The following SUMF1 variants were observed in gnomAD, a reference collection of about 807,000 sequenced individuals.
SUMF1 encodes formylglycine-generating enzyme.
A neutral mutation model predicts 47.6 loss-of-function variants in SUMF1; 48 were observed. The ratio of observed to expected loss-of-function variants is 1.01; its 90% CI spans 0.80 to 1.28. The LOEUF (loss-of-function observed/expected upper bound fraction) is 1.28. Ranked by LOEUF, SUMF1 falls within the 50% of genes most tolerant of loss-of-function variation. The pLI is 0.00. For synonymous variants in SUMF1, 230 were observed against 192.1 expected (o/e 1.20, Z -1.63); for missense variants, 571 against 485.4 (o/e 1.18, Z -1.66).
chr3:4,205,509 A>G (rs956869520), intron 8 of SUMF1, among the ~76,000 whole-genome samples: 2 of 152,154 alleles, frequency 1.3e-5, no homozygotes, highest in African/African-American at 2.4e-5. Context: ...TTAAAGAGCT[A>G]GGGATTTATT....
intron 7 of SUMF1, among the ~76,000 whole-genome samples, chr3:4,392,615 G>GTGTA (rs1433132957): frequency 0.019 from 1,831 of 96,012 alleles, 15 homozygotes; most frequent in East Asian, 0.036. Context: ...GTGTGTGTGT[G>GTGTA]TATATATATA....
chr3:4,299,163 A>G (rs310709), intron 8 of SUMF1, among the ~76,000 whole-genome samples: 93,179 of 152,162 alleles, frequency 0.61, 29,991 homozygotes, highest in African/African-American at 0.82. Context: ...CTACCTTAAA[A>G]TCTATAGCTT....
intron 8 of SUMF1, among the ~76,000 whole-genome samples, chr3:4,100,350 C>A (rs1445942260): frequency 1.3e-5 from 2 of 151,714 alleles, no homozygotes; most frequent in African/African-American, 2.4e-5. Flanking sequence ...ACACATCAAC[C>A]AAAGGAATAG....
At chr3:4,403,191 G>T (rs754889875) in intron 7 of SUMF1, among the ~76,000 whole-genome samples, 1 of 152,160 alleles carries the variant, frequency 6.6e-6, no homozygotes, top group Non-Finnish European at 1.5e-5. Context: ...AGTAAACTGA[G>T]TCTCTGAGCA....
intron 9 of SUMF1, among the ~76,000 whole-genome samples, chr3:4,050,468 G>A (rs1418754510): frequency 3.3e-5 from 5 of 151,970 alleles, no homozygotes; most frequent in African/African-American, 4.8e-5. Context: ...ATGGCCAGGT[G>A]TAGTGGCTCA....
chr3:4,429,065 T>C (rs1471791589), intron 3 of SUMF1, among the ~76,000 whole-genome samples: 14 of 152,256 alleles, frequency 9.2e-5, no homozygotes, highest in Admixed American at 9.2e-4. Flanking sequence ...TTGTCTGTTG[T>C]TGTTTTTTTG....
At chr3:4,152,756 C>A (rs183154420) in intron 8 of SUMF1, among the ~76,000 whole-genome samples, 29 of 151,720 alleles carry the variant, frequency 1.9e-4, no homozygotes, top group Non-Finnish European at 3.8e-4. Flanking sequence ...CTAGTAACAA[C>A]CATTAATTCA....
chr3:4,249,545 C>A (rs1696746595), intron 8 of SUMF1, among the ~76,000 whole-genome samples: 1 of 152,114 alleles, frequency 6.6e-6, no homozygotes, highest in Non-Finnish European at 1.5e-5. Flanking sequence ...TATAAGATGG[C>A]AAACTTAATA....
chr3:4,091,423 G>A (rs73806898), intron 8 of SUMF1, among the ~76,000 whole-genome samples: 2,005 of 152,148 alleles, frequency 0.013, 58 homozygotes, highest in African/African-American at 0.046. Context: ...GAGGGTGTAC[G>A]TGCATCTATG....
intron 8 of SUMF1, among the ~76,000 whole-genome samples, chr3:4,281,218 G>T (rs139762747): frequency 6.6e-6 from 1 of 152,100 alleles, no homozygotes; most frequent in Non-Finnish European, 1.5e-5. Flanking sequence ...ACAAGCCACA[G>T]AAAGACCACT....
chr3:4,074,953 C>T (rs961279690), intron 8 of SUMF1, among the ~76,000 whole-genome samples: 1 of 152,046 alleles, frequency 6.6e-6, no homozygotes, highest in African/African-American at 2.4e-5. Context: ...GAAACTATTC[C>T]AATGAATAGA....
intron 9 of SUMF1, among the ~76,000 whole-genome samples, chr3:4,064,432 C>G (rs1256377164): frequency 6.6e-6 from 1 of 152,070 alleles, no homozygotes; most frequent in Non-Finnish European, 1.5e-5. Context: ...GTTTGCTTGC[C>G]CCTTTCCTGG....
intron 7 of SUMF1, among the ~76,000 whole-genome samples, chr3:4,382,163 T>C (rs958240340): frequency 6.6e-6 from 1 of 152,146 alleles, no homozygotes; most frequent in Non-Finnish European, 1.5e-5. Flanking sequence ...TCGTAACGGA[T>C]GGTTCAGACT....
chr3:4,272,296 A>G (rs1381150897), intron 8 of SUMF1, among the ~76,000 whole-genome samples: 3 of 152,244 alleles, frequency 2.0e-5, no homozygotes, highest in African/African-American at 4.8e-5. Context: ...AGGAAAACGC[A>G]GAGGCTGGGC....
At chr3:4,338,800 G>C (rs190487553) in intron 8 of SUMF1, among the ~76,000 whole-genome samples, 18 of 152,174 alleles carry the variant, frequency 1.2e-4, no homozygotes, top group African/African-American at 4.3e-4. Flanking sequence ...TGTATACCTA[G>C]TACACAGAGT....
At chr3:4,359,869 T>C (rs1054462952), downstream of SUMF1, among the ~76,000 whole-genome samples, 10 of 152,276 alleles carry the variant, frequency 6.6e-5, 2 homozygotes, top group Admixed American at 6.5e-5. Context: ...CTCAAGTTCC[T>C]GGCCTCAAAC....
At chr3:4,189,654 G>C (rs909323449) in intron 8 of SUMF1, among the ~76,000 whole-genome samples, 4 of 151,996 alleles carry the variant, frequency 2.6e-5, no homozygotes, top group African/African-American at 9.7e-5. Flanking sequence ...AGTAGGGCAA[G>C]AGAACAAGAG....
Position 4,437,133 on chromosome 3 carries a change from G to A in SUMF1, c.519+12133C>T, listed in dbSNP as rs574391347. ...AATCCCTGAGACGCAGAAAGGAATG[G>A]AGAGTACAGATATTAGTAATTATAG... On this transcript the variant is annotated intron_variant, in intron 3 of 8. Coordinates refer to ENST00000272902, the MANE Select transcript of SUMF1 (RefSeq NM_182760.4). 3.3e-5 allele frequency among the ~76,000 whole-genome samples: 5 copies of A among 152,308 alleles called. No homozygotes were observed. The South Asian group carries it at 8.3e-4, about 25-fold the overall frequency.
chr3:4,269,903 A>G (rs181625115), intron 8 of SUMF1, among the ~76,000 whole-genome samples: 2 of 152,308 alleles, frequency 1.3e-5, no homozygotes, highest in African/African-American at 4.8e-5. Flanking sequence ...CACTCTGTGT[A>G]AGGACAGTCT....
Sources: gnomAD v4.1 joint callset for allele counts (sites outside exome capture counted in the v4.1 genomes callset) on GRCh38, gnomAD v4.1.1 for gene constraint, MANE v1.5 for transcripts, NCBI Gene and HGNC (gene_info 2026-07-23, HGNC 2026-07-21) for gene names.